Variants in UBAP2L observed in about 807,000 individuals in gnomAD.
The protein encoded by UBAP2L is ubiquitin-associated protein 2-like.
Under a neutral mutation model 130.6 loss-of-function variants are expected in UBAP2L, and 12 were observed. The ratio of observed to expected loss-of-function variants is 0.09; its 90% CI spans 0.06 to 0.15. The LOEUF (loss-of-function observed/expected upper bound fraction) is 0.15. Among genes scored for constraint, UBAP2L ranks in the 10% least tolerant of loss-of-function variants. The pLI, the probability that UBAP2L is intolerant of heterozygous loss-of-function variation, is 1.00. For synonymous variants in UBAP2L, 503 were observed against 524.7 expected, an observed-to-expected ratio of 0.96 and a Z score of 0.57; for missense variants, 965 against 1,332.5, an observed-to-expected ratio of 0.72 and a Z score of 4.29.
In UBAP2L at chr1:154,258,787, C is replaced by A. The variant is rs1680524958; in HGVS notation, c.2443-190C>A. 7.6e-6 allele frequency: 4 copies of A among 522,902 alleles called. No individual in the cohort carries two copies. The South Asian group carries it at 9.1e-5, about 12-fold the overall frequency. The allele number at this position is 522,902 out of a possible 1,614,324, so 32.4% of individuals were successfully genotyped here. A position where few individuals can be genotyped will look rare whatever the true frequency, so the allele number is the denominator to read the frequency against. ...TTTAGCTCAAGGAAAGCTTCAAGACCTTTCATGAATCATTTAATCTCTGTG... is the reference window on the plus strand; with the variant it reads ...TTTAGCTCAAGGAAAGCTTCAAGACATTTCATGAATCATTTAATCTCTGTG... On this transcript the variant is annotated intron_variant, in intron 20 of 26. Coordinates refer to ENST00000428931, the MANE Select transcript of UBAP2L (RefSeq NM_014847.4).
chr1:154,262,784 T>C (rs1681994691), intron 24 of UBAP2L, among the ~76,000 whole-genome samples: 1 of 152,146 alleles, frequency 6.6e-6, no homozygotes, highest in African/African-American at 2.4e-5. Context: ...CATAGACTCC[T>C]TGTGGCCACC....
chr1:154,239,714 C>G (rs1647943932), intron 8 of UBAP2L, among the ~76,000 whole-genome samples: 1 of 152,168 alleles, frequency 6.6e-6, no homozygotes, highest in Non-Finnish European at 1.5e-5. Flanking sequence ...GCATCAAGAG[C>G]CTAGATTAAA....
At chr1:154,227,656 C>T (rs1269395901) in intron 3 of UBAP2L, among the ~76,000 whole-genome samples, 1 of 151,700 alleles carries the variant, frequency 6.6e-6, no homozygotes, top group African/African-American at 2.4e-5. Context: ...AAGCGATTCT[C>T]GTGCTTCAGC....
chr1:154,255,800 A>G (rs769793416), intron 18 of UBAP2L, 45 bp downstream of exon 18: 1 of 1,594,956 alleles, frequency 6.3e-7, no homozygotes, highest in Non-Finnish European at 8.6e-7. Flanking sequence ...TTACACTTAG[A>G]ACTGTCCAAC....
chr1:154,257,106 G>A lies in UBAP2L; in HGVS notation c.2201G>A (p.Ser734Asn), dbSNP rs746198640. 3.4e-5 allele frequency: 55 copies of A among 1,613,896 alleles called. No individual in the cohort carries two copies. The Admixed American group carries it at 8.5e-4, about 25-fold the overall frequency. Residue 734 changes from serine to asparagine, a missense_variant, in exon 19 of 27, where the codon AGC becomes AAC. By Grantham distance (46) the Ser-to-Asn change is conservative. This residue lies in a region of UBAP2L where 393 missense variants were observed against 408.1 expected (regional missense o/e 0.96). Transcript: ENST00000428931. ...GAGGCGAATCTCCATTCTTCCTCCA[G>A]CACTTTTTCCACCACATCCAGCACA... The part of the protein sequence containing the change: ...ESEANLHSSS[S>N]TFSTTSSTVS...
Position 154,233,651 on chromosome 1 carries a change from CTGTG to C in UBAP2L, c.280-916_280-913del, listed in dbSNP as rs61695071. Among the ~76,000 whole-genome samples, 869 of 146,160 alleles carry C rather than the reference CTGTG, an allele frequency of 5.9e-3. 39 individuals are homozygous for C. The highest frequency in any genetic ancestry group is 0.024 in the Middle Eastern group (7 of 288). ...CAGCCTGATCTTTTAAATGAAATTG[CTGTG>C]TGTGTGTGTGTGTGTGTGTGTGTCT... On this transcript the variant is annotated intron_variant, in intron 4 of 26. Coordinates refer to ENST00000428931, the MANE Select transcript of UBAP2L (RefSeq NM_014847.4).
intron 5 of UBAP2L, among the ~76,000 whole-genome samples, chr1:154,234,961 G>A (rs1671117108): frequency 6.6e-6 from 1 of 152,114 alleles, no homozygotes; most frequent in South Asian, 2.1e-4. Flanking sequence ...AGATTACCCT[G>A]TAGTCATTTA....
Position 154,259,981 on chromosome 1 carries a change from ACTC to A in UBAP2L, c.2532_2534del (p.Pro845del). On this transcript the variant is annotated inframe_deletion, in exon 22 of 27. Coordinates refer to ENST00000428931, the MANE Select transcript of UBAP2L (RefSeq NM_014847.4). Reference sequence around the variant, plus strand: ...CAGCATCCCATTTCCCACACCCACTACTCCGCTGACTGGGAGGGATGGTAGCCT... The same window carrying A: ...CAGCATCCCATTTCCCACACCCACTACGCTGACTGGGAGGGATGGTAGCCT... The A allele has an allele frequency of 6.2e-7, 1 of 1,613,600 alleles. No homozygotes were observed. Among genetic ancestry groups the A allele is most frequent in the Non-Finnish European group, 8.5e-7 (1 of 1,179,920 alleles).
At chr1:154,258,836 TA>T in intron 20 of UBAP2L, 140 bp from the exon 21 acceptor site, 1 of 653,668 alleles carries the variant, frequency 1.5e-6, no homozygotes, top group Non-Finnish European at 2.7e-6. Context: ...TTTCCTTAAA[TA>T]AAATTGAAGG....
intron 24 of UBAP2L, among the ~76,000 whole-genome samples, chr1:154,262,760 A>G (rs1184847127): frequency 2.6e-5 from 4 of 152,114 alleles, no homozygotes; most frequent in Admixed American, 2.0e-4. Context: ...GAGAAGCCCC[A>G]TTGAGATTTA....
In UBAP2L at chr1:154,249,291, G is replaced by A; in HGVS notation, c.1067G>A (p.Ser356Asn). The A allele has an allele frequency of 1.2e-6, 2 of 1,614,196 alleles. No homozygotes were observed. The highest frequency in any genetic ancestry group is 2.2e-5 in the South Asian group (2 of 91,092). ...GATGTCGGTGAAGCTAAAGGCGGCA[G>A]TACTACAGGCTCCCAGTTCTTGGAG... The part of the protein sequence containing the change: ...FGDVGEAKGG[S>N]TTGSQFLEQF... Residue 356 changes from serine to asparagine, a missense_variant, in exon 12 of 27, where the codon AGT becomes AAT. Ser to Asn is a conservative substitution (Grantham distance 46, BLOSUM62 1). Coordinates refer to ENST00000428931, the MANE Select transcript of UBAP2L (RefSeq NM_014847.4).
intron 9 of UBAP2L, among the ~76,000 whole-genome samples, chr1:154,242,428 T>G (rs963933671): frequency 6.6e-6 from 1 of 152,228 alleles, no homozygotes; most frequent in African/African-American, 2.4e-5. Context: ...GTATAATCAA[T>G]GAACTAGACT....
At chr1:154,236,961 T>G in intron 7 of UBAP2L, 63 bp from the exon 8 acceptor site, 2 of 1,268,144 alleles carry the variant, frequency 1.6e-6, no homozygotes, top group Non-Finnish European at 2.3e-6. Flanking sequence ...ATTTTGATTC[T>G]TTGAGTTAAT....
chr1:154,246,037 T>C (rs766029509), intron 10 of UBAP2L, among the ~76,000 whole-genome samples, 167 bp from the exon 11 acceptor site: 2 of 151,790 alleles, frequency 1.3e-5, no homozygotes, highest in Non-Finnish European at 2.9e-5. Context: ...GTGACTCTTA[T>C]GCATCAGTTA....
chr1:154,256,911 G>A, intron 18 of UBAP2L, 152 bp from the exon 19 acceptor site: 1 of 782,660 alleles, frequency 1.3e-6, no homozygotes, highest in South Asian at 1.9e-5. Context: ...AACTACTTTA[G>A]CAGGGTGTAC....
chr1:154,220,256 G>C, upstream of UBAP2L: 6 of 1,490,138 alleles, frequency 4.0e-6, no homozygotes, highest in South Asian at 5.6e-5. Context: ...TGAGTGGGTG[G>C]AGAATGCAGA....
intron 8 of UBAP2L, among the ~76,000 whole-genome samples, chr1:154,237,949 C>T (rs546779304): frequency 2.0e-5 from 3 of 152,302 alleles, no homozygotes; most frequent in South Asian, 4.1e-4. Context: ...CTTTCTTGAA[C>T]AGCTGCCTCA....
chr1:154,254,338 G>T (rs1281478490), intron 15 of UBAP2L, among the ~76,000 whole-genome samples: 1 of 152,180 alleles, frequency 6.6e-6, no homozygotes, highest in Non-Finnish European at 1.5e-5. Flanking sequence ...TCAGTCTCAA[G>T]TGCCTGTCCT....
At chr1:154,271,115 C>A, downstream of UBAP2L, 1 of 661,050 alleles carries the variant, frequency 1.5e-6, no homozygotes, top group Non-Finnish European at 2.5e-6. Flanking sequence ...TCATTTCCTC[C>A]AGAAACTGCT....
Sources: allele counts gnomAD v4.1 joint callset (sites outside exome capture counted in the v4.1 genomes callset), GRCh38; gene constraint gnomAD v4.1.1; regional missense constraint gnomAD v4.1.1; transcripts MANE v1.5; gene names NCBI Gene and HGNC (gene_info 2026-07-23, HGNC 2026-07-21).